APOLD1: variants seen among roughly 807,000 people sequenced by gnomAD.
APOLD1 encodes the protein apolipoprotein L domain-containing protein 1.
A neutral mutation model predicts 15.3 loss-of-function variants in APOLD1; 22 were observed. The ratio of observed to expected loss-of-function variants is 1.44; its 90% CI spans 1.03 to 2.05. The LOEUF is 2.05. Among genes scored for constraint, APOLD1 ranks in the 30% most tolerant of loss-of-function variants. APOLD1 has a pLI of 0.00. For synonymous variants in APOLD1, 190 were observed against 167.4 expected (o/e 1.13, Z -1.04); for missense variants, 394 against 353.5 (o/e 1.11, Z -0.92).
chr12:12,763,078 G>C (rs971349660), intron 1 of APOLD1, among the ~76,000 whole-genome samples: 8 of 152,036 alleles, frequency 5.3e-5, no homozygotes, highest in African/African-American at 1.9e-4. Flanking sequence ...GCTGCAGTGA[G>C]TCATGATTTC....
intron 1 of APOLD1, among the ~76,000 whole-genome samples, chr12:12,745,889 CAAG>C (rs945012567): frequency 6.6e-6 from 1 of 152,044 alleles, no homozygotes; most frequent in African/African-American, 2.4e-5. Context: ...AGAAAGGTTG[CAAG>C]AAGAAGCTGC....
Position 12,786,925 on chromosome 12 carries a change from C to A in APOLD1, c.20C>A (p.Ala7Glu), listed in dbSNP as rs1188589954. The change falls in exon 2 of 2, where the codon GCG becomes GAG. Residue 7 changes from alanine (A) to glutamate (E), a missense_variant. By Grantham distance (107) the Ala-to-Glu change is moderately radical. Transcript: ENST00000356591. MGMERPAAREPHGPDAL... is the reference protein window; with the variant it reads MGMERPEAREPHGPDAL... ...TCCCCGCAGGGAATGGAGAGGCCGG[C>A]GGCCCGGGAGCCGCATGGGCCCGAC... 7 of 1,447,900 alleles carry A rather than the reference C, an allele frequency of 4.8e-6. No individual in the cohort carries two copies. The highest frequency in any genetic ancestry group is 2.3e-4 in the Middle Eastern group (1 of 4,382). The allele number at this position is 1,447,900 out of a possible 1,614,324, so 89.7% of individuals were successfully genotyped here. A position where few individuals can be genotyped will look rare whatever the true frequency, so the allele number is the denominator to read the frequency against.
intron 1 of APOLD1, chr12:12,726,156 C>CAAAAAAAAAAAAAA: frequency 1.8e-5 from 2 of 113,672 alleles, no homozygotes; most frequent in African/African-American, 7.7e-5. Context: ...TCTTCGCAAC[C>CAAAAAAAAAAAAAA]AAAAAAAAAA....
chr12:12,740,679 G>C (rs1431375974), intron 1 of APOLD1, among the ~76,000 whole-genome samples: 1 of 152,130 alleles, frequency 6.6e-6, no homozygotes, highest in East Asian at 1.9e-4. Context: ...AAATTTCAAG[G>C]TCCCTCCAGG....
At position 12,787,281 on chromosome 12, in the gene APOLD1, A is replaced by C; in HGVS notation, c.376A>C (p.Thr126Pro). The C allele has an allele frequency of 6.2e-7, 1 of 1,602,850 alleles. No homozygotes were observed. Among genetic ancestry groups the C allele is most frequent in the South Asian group, 1.1e-5 (1 of 90,158 alleles). The change falls in exon 2 of 2, where the codon ACC becomes CCC. Residue 126 changes from threonine (T) to proline (P), a missense_variant. Physicochemically the swap from Thr to Pro is conservative, Grantham distance 38. Coordinates refer to ENST00000356591, the MANE Select transcript of APOLD1 (RefSeq NM_030817.3). This position sits in a 1 kb window ranked among gnomAD's most constrained non-coding sequence, Gnocchi z 4.9. ...ELRRVQEIAATCQDQMREILS... is the reference protein window; with the variant it reads ...ELRRVQEIAAPCQDQMREILS... ...GCGGAGGGTGCAGGAGATCGCGGCC[A>C]CCTGCCAGGACCAGATGCGAGAGAT... is the stretch of plus-strand genomic sequence containing the variant.
intron 1 of APOLD1, among the ~76,000 whole-genome samples, chr12:12,779,225 G>A (rs2136397006): frequency 6.6e-6 from 1 of 152,208 alleles, no homozygotes; most frequent in Admixed American, 6.5e-5. Flanking sequence ...TATTTGCCCT[G>A]TGCTTTCTTG....
chr12:12,785,664 T>G lies in APOLD1; in HGVS notation c.-28T>G, dbSNP rs201024245. On this transcript the variant is annotated 5_prime_UTR_variant, in exon 1 of 2. Coordinates refer to ENST00000356591, the MANE Select transcript of APOLD1 (RefSeq NM_030817.3). ...ACTCATCCAGAAACAGCCTCAGATT[T>G]TACTTTCCTGGAGGCAGACAGAAGT... 1.5e-3 allele frequency: 2,445 copies of G among 1,614,160 alleles called. 8 individuals are homozygous for G. Among genetic ancestry groups the G allele is most frequent in the Non-Finnish European group, 1.5e-3 (1,824 of 1,180,016 alleles).
chr12:12,787,131 C>T lies in APOLD1; in HGVS notation c.226C>T (p.Leu76Phe). 4 of 1,479,666 alleles carry T rather than the reference C, an allele frequency of 2.7e-6. No individual in the cohort carries two copies. The South Asian group carries it at 4.1e-5, about 15-fold the overall frequency. The allele number at this position is 1,479,666 out of a possible 1,614,324, so 91.7% of individuals were successfully genotyped here. ...CCTCGCCGCCATCGTGGGGCTCTCG[C>T]TCAGCCCGGTCACCCTGGGGACCTC... ...GALAAIVGLS[L>F]SPVTLGTSLL... is the part of the protein sequence containing the mutation. The change falls in exon 2 of 2, where the codon CTC becomes TTC. Residue 76 changes from leucine to phenylalanine, a missense_variant. Physicochemically the swap from Leu to Phe is conservative, Grantham distance 22 (BLOSUM62 0). Transcript: ENST00000356591. The surrounding 1 kb of genome is among the most constrained non-coding windows in gnomAD (Gnocchi z 4.9).
At chr12:12,729,356 T>A (rs1027928695) in intron 1 of APOLD1, among the ~76,000 whole-genome samples, 38 of 151,910 alleles carry the variant, frequency 2.5e-4, no homozygotes, top group Admixed American at 1.9e-3. Context: ...AAAGGATTTT[T>A]AAAAAAATCT....
chr12:12,767,979 G>A (rs879767698), intron 1 of APOLD1, among the ~76,000 whole-genome samples: 6 of 151,992 alleles, frequency 3.9e-5, no homozygotes, highest in African/African-American at 7.3e-5. Flanking sequence ...AGAGACGGGG[G>A]TTTCACCATA....
intron 1 of APOLD1, among the ~76,000 whole-genome samples, chr12:12,744,548 G>A (rs1177108121): frequency 6.6e-6 from 1 of 152,202 alleles, no homozygotes; most frequent in Non-Finnish European, 1.5e-5. Context: ...GGCGGAGGTT[G>A]CAGTGAACAG....
chr12:12,777,099 G>A (rs1353495011), intron 1 of APOLD1, among the ~76,000 whole-genome samples: 6 of 152,068 alleles, frequency 3.9e-5, no homozygotes, highest in South Asian at 2.1e-4. Flanking sequence ...CCCTTTCCCT[G>A]ACATAGCAAT....
At chr12:12,733,343 G>T (rs916390842) in intron 1 of APOLD1, among the ~76,000 whole-genome samples, 2 of 151,944 alleles carry the variant, frequency 1.3e-5, no homozygotes, top group Non-Finnish European at 2.9e-5. Context: ...AAGTTATATG[G>T]CTTAATGTTA....
At chr12:12,774,266 C>T (rs528620203) in intron 1 of APOLD1, among the ~76,000 whole-genome samples, 6 of 151,910 alleles carry the variant, frequency 3.9e-5, no homozygotes, top group East Asian at 1.9e-4. Context: ...AGAACCTGGA[C>T]GGGTGTGGTG....
chr12:12,787,077 G>T lies in APOLD1; in HGVS notation c.172G>T (p.Ala58Ser), dbSNP rs762846161. 2.2e-6 allele frequency: 3 copies of T among 1,395,122 alleles called. No homozygotes were observed. The Admixed American group carries it at 1.1e-4, about 51-fold the overall frequency. 86.4% of individuals were successfully genotyped at this position (1,395,122 alleles called of 1,614,324 possible). A position where few individuals can be genotyped will look rare whatever the true frequency, so the allele number is the denominator to read the frequency against. ...CAGGCGCTCCCTCGTAGCCAACGTG[G>T]CCGGCAGCTCGCTGAGCGCAACGGG... is the stretch of plus-strand genomic sequence containing the variant. ...LRRRSLVANV[A>S]GSSLSATGAL... The change falls in exon 2 of 2, where the codon GCC becomes TCC. Residue 58 changes from alanine (A) to serine (S), a missense_variant. Physicochemically the swap from Ala to Ser is moderately conservative, Grantham distance 99. Coordinates refer to ENST00000356591, the MANE Select transcript of APOLD1 (RefSeq NM_030817.3). This position sits in a 1 kb window ranked among gnomAD's most constrained non-coding sequence, Gnocchi z 4.9.
chr12:12,751,046 C>A (rs1946809240), intron 1 of APOLD1, among the ~76,000 whole-genome samples: 1 of 151,964 alleles, frequency 6.6e-6, no homozygotes, highest in African/African-American at 2.4e-5. Flanking sequence ...GCCTTAGCCT[C>A]CCAAATTGTC....
intron 1 of APOLD1, among the ~76,000 whole-genome samples, chr12:12,751,952 T>C (rs1946815156): frequency 6.6e-6 from 1 of 152,146 alleles, no homozygotes; most frequent in Non-Finnish European, 1.5e-5. Flanking sequence ...AGTCAAGGAA[T>C]ACAGTCCAGT....
At chr12:12,740,306 G>A (rs754587461) in intron 1 of APOLD1, among the ~76,000 whole-genome samples, 12 of 152,024 alleles carry the variant, frequency 7.9e-5, no homozygotes, top group East Asian at 1.9e-4. Flanking sequence ...TAGCAGAGAC[G>A]GGGTTTCACC....
At position 12,786,987 on chromosome 12, in the gene APOLD1, C is replaced by A. The variant is rs1239910429; in HGVS notation, c.82C>A (p.Arg28=). Residue 28 remains arginine, a synonymous_variant, in exon 2 of 2, where the codon CGA becomes AGA. Coordinates refer to ENST00000356591, the MANE Select transcript of APOLD1 (RefSeq NM_030817.3). ...RRFQGLLLDR[R]GRLHGQVLRL... The stretch of plus-strand genomic sequence containing the variant: ...CTTCCAGGGACTGCTGCTGGACCGC[C>A]GAGGCCGGCTGCACGGCCAGGTGCT... 2 of 1,426,192 alleles carry A rather than the reference C, an allele frequency of 1.4e-6. No homozygotes were observed. The highest frequency in any genetic ancestry group is 1.8e-6 in the Non-Finnish European group (2 of 1,101,258). The allele number at this position is 1,426,192 out of a possible 1,614,324, so 88.3% of individuals were successfully genotyped here.
Sources: allele counts gnomAD v4.1 joint callset (sites outside exome capture counted in the v4.1 genomes callset), GRCh38; gene constraint gnomAD v4.1.1; non-coding constraint Gnocchi (gnomAD v3.1); transcripts MANE v1.5; gene names NCBI Gene and HGNC (gene_info 2026-07-23, HGNC 2026-07-21).